Variants in PRSS23 observed in about 807,000 individuals in gnomAD.
The protein encoded by PRSS23 is serine protease 23, also known as protease, serine 23.
PRSS23 carries 25 observed loss-of-function variants against 34.7 expected under a neutral mutation model. The observed-to-expected ratio is 0.72, with a 90% CI of 0.53 to 1.01. The LOEUF is 1.01. Ranked by LOEUF, PRSS23 falls within the 50% of genes least tolerant of loss-of-function variation. PRSS23 has a pLI of 0.00. For missense variants in PRSS23, 445 were observed against 475.6 expected, an observed-to-expected ratio of 0.94 and a Z score of 0.60; for synonymous variants, 176 against 186.6, an observed-to-expected ratio of 0.94 and a Z score of 0.46.
intron 2 of PRSS23, among the ~76,000 whole-genome samples, chr11:86,884,254 T>C (rs1033957794): frequency 2.6e-5 from 4 of 152,182 alleles, no homozygotes; most frequent in Admixed American, 2.6e-4. Flanking sequence ...CCCTTCCAAT[T>C]CACCCCCCAC....
intron 2 of PRSS23, among the ~76,000 whole-genome samples, chr11:86,891,117 A>C (rs1182889165): frequency 6.6e-6 from 1 of 152,148 alleles, no homozygotes; most frequent in Admixed American, 6.5e-5. Context: ...CTCAATTGCC[A>C]AGCCTGTTTT....
intron 1 of PRSS23, chr11:86,821,815 A>C: frequency 1.4e-6 from 1 of 717,206 alleles, no homozygotes; most frequent in Non-Finnish European, 2.3e-6. Context: ...CGCCATGACC[A>C]TAGTGTCAGC....
At chr11:86,932,392 A>G (rs917181254) in intron 2 of PRSS23, among the ~76,000 whole-genome samples, 5 of 152,190 alleles carry the variant, frequency 3.3e-5, no homozygotes, top group Admixed American at 1.3e-4. Context: ...CAGTTCCTGA[A>G]GCAGGGGCCA....
chr11:86,908,752 G>A (rs547663862), intron 2 of PRSS23, among the ~76,000 whole-genome samples: 1 of 152,010 alleles, frequency 6.6e-6, no homozygotes, highest in Admixed American at 6.6e-5. Flanking sequence ...GGGGGGTGGG[G>A]TTTATATAAT....
intron 2 of PRSS23, among the ~76,000 whole-genome samples, chr11:86,878,832 T>G (rs1301956197): frequency 6.8e-5 from 9 of 132,482 alleles, no homozygotes; most frequent in African/African-American, 1.4e-4. Context: ...GCCTCTTCCC[T>G]GCGGCCATCC....
At chr11:86,833,408 A>T in intron 2 of PRSS23, 1 of 624,874 alleles carries the variant, frequency 1.6e-6, no homozygotes, top group South Asian at 1.5e-5. Context: ...GGATCCTCTG[A>T]GAGTTCTAGG....
exon 3 of PRSS23, chr11:86,952,107 C>T (rs1262546014): frequency 1.7e-5 from 27 of 1,613,958 alleles, no homozygotes; most frequent in Non-Finnish European, 2.2e-5. Flanking sequence ...TCAGTGAACT[C>T]CTTGGCTGAG....
At chr11:86,878,927 T>C (rs1948746331) in intron 2 of PRSS23, among the ~76,000 whole-genome samples, 1 of 131,516 alleles carries the variant, frequency 7.6e-6, no homozygotes, top group African/African-American at 3.0e-5. Flanking sequence ...CCATCCCGTC[T>C]AGGAAGTGAG....
At chr11:86,831,049 T>A (rs566870897) in intron 2 of PRSS23, among the ~76,000 whole-genome samples, 1 of 152,210 alleles carries the variant, frequency 6.6e-6, no homozygotes, top group African/African-American at 2.4e-5. Flanking sequence ...TTTCTCCTAA[T>A]GTCAACGGGG....
At chr11:86,918,695 A>G (rs895911410) in intron 2 of PRSS23, among the ~76,000 whole-genome samples, 5 of 152,260 alleles carry the variant, frequency 3.3e-5, no homozygotes, top group African/African-American at 1.2e-4. Context: ...GGCCGAGGAC[A>G]TATACCAGGT....
chr11:86,820,709 C>G (rs540489480), intron 1 of PRSS23, among the ~76,000 whole-genome samples: 1 of 152,162 alleles, frequency 6.6e-6, no homozygotes, highest in Non-Finnish European at 1.5e-5. Context: ...AATCTATGTA[C>G]TATAGAATTT....
intron 1 of PRSS23, among the ~76,000 whole-genome samples, chr11:86,792,042 C>T (rs113221024): frequency 1.3e-5 from 2 of 152,318 alleles, no homozygotes; most frequent in African/African-American, 4.8e-5. Flanking sequence ...GTCACTACCC[C>T]TATTTTGAAG....
At chr11:86,812,912 T>C (rs1948190234), downstream of PRSS23, among the ~76,000 whole-genome samples, 1 of 152,030 alleles carries the variant, frequency 6.6e-6, no homozygotes, top group African/African-American at 2.4e-5. Flanking sequence ...TCCACAGTTG[T>C]CTAGTTCCTT....
intron 2 of PRSS23, among the ~76,000 whole-genome samples, chr11:86,877,857 CA>C (rs11403638): frequency 4.8e-4 from 60 of 125,810 alleles, no homozygotes; most frequent in Non-Finnish European, 7.9e-4. Flanking sequence ...TTCATTTCTG[CA>C]AAAAAAAAAA....
chr11:86,826,055 A>G (rs866863263), intron 2 of PRSS23, among the ~76,000 whole-genome samples: 3 of 152,092 alleles, frequency 2.0e-5, no homozygotes, highest in Non-Finnish European at 2.9e-5. Context: ...CATTGAATCT[A>G]TAAATTACCT....
At chr11:86,879,317 G>C (rs11501855) in intron 2 of PRSS23, among the ~76,000 whole-genome samples, 1 of 139,678 alleles carries the variant, frequency 7.2e-6, no homozygotes, top group African/African-American at 2.8e-5. Context: ...CAGCCGCCCC[G>C]TCTGAGAAGT....
chr11:86,901,981 G>A (rs1467795172), intron 2 of PRSS23, among the ~76,000 whole-genome samples: 2 of 152,272 alleles, frequency 1.3e-5, no homozygotes, highest in African/African-American at 4.8e-5. Context: ...CCAGGCATGG[G>A]TGATCCTTCA....
At chr11:86,931,776 G>C (rs1487012946) in intron 2 of PRSS23, among the ~76,000 whole-genome samples, 1 of 151,978 alleles carries the variant, frequency 6.6e-6, no homozygotes, top group Admixed American at 6.6e-5. Context: ...TAAAGTGCTG[G>C]GATTACAGGC....
At chr11:86,940,841 CTA>C (rs1422610824) in intron 2 of PRSS23, 12 of 152,196 alleles carry the variant, frequency 7.9e-5, no homozygotes, top group African/African-American at 2.7e-4. Flanking sequence ...CTTTTAACTT[CTA>C]TAGAGCAATC....
Sources: gnomAD v4.1 joint callset for allele counts (sites outside exome capture counted in the v4.1 genomes callset) on GRCh38, gnomAD v4.1.1 for gene constraint, MANE v1.5 for transcripts, NCBI Gene and HGNC (gene_info 2026-07-23, HGNC 2026-07-21) for gene names.